UNC5D: variants seen among roughly 807,000 people sequenced by gnomAD.
The protein encoded by UNC5D is netrin receptor UNC5D.
In UNC5D, 39 loss-of-function variants were observed where a neutral mutation model predicts 105.4. That is an observed-to-expected ratio of 0.37 (90% CI 0.29 to 0.48). The LOEUF (loss-of-function observed/expected upper bound fraction) is 0.48. Ranked by LOEUF, UNC5D falls within the 20% of genes least tolerant of loss-of-function variation. The pLI is 0.98. For synonymous variants in UNC5D, 452 were observed against 450.4 expected, an observed-to-expected ratio of 1.00 and a Z score of -0.04; for missense variants, 991 against 1,202.4, an observed-to-expected ratio of 0.82 and a Z score of 2.60.
chr8:35,566,773 G>C (rs1817369151), intron 2 of UNC5D, among the ~76,000 whole-genome samples: 1 of 152,200 alleles, frequency 6.6e-6, no homozygotes, highest in Non-Finnish European at 1.5e-5. Context: ...GAGGCAATTA[G>C]ATGGAATTCA....
intron 1 of UNC5D, among the ~76,000 whole-genome samples, chr8:35,352,143 A>G (rs1343391330): frequency 6.6e-6 from 1 of 152,134 alleles, no homozygotes; most frequent in Non-Finnish European, 1.5e-5. Flanking sequence ...AAAAATATAT[A>G]AGTAAAGAGG....
chr8:35,363,937 C>T (rs917371362), intron 1 of UNC5D, among the ~76,000 whole-genome samples: 1 of 152,124 alleles, frequency 6.6e-6, no homozygotes, highest in Non-Finnish European at 1.5e-5. Context: ...AGTCCCAGCA[C>T]TTTGGGAGGC....
At position 35,766,890 on chromosome 8, in the gene UNC5D, T is replaced by C. The variant is rs1386241029; in HGVS notation, c.2314-12T>C. The C allele has an allele frequency of 1.2e-6, 2 of 1,607,014 alleles. No homozygotes were observed. The highest frequency in any genetic ancestry group is 1.7e-6 in the Non-Finnish European group (2 of 1,175,730). ...CTCTGCACACCATCCCTTCTCTCCG[T>C]CTCCCCTGCAGGAAGTCCCGTTCTC... On this transcript the variant is annotated splice_polypyrimidine_tract_variant and intron_variant, in intron 14 of 16. Transcript: ENST00000404895.
At chr8:35,790,142 C>T (rs1802970286) in intron 16 of UNC5D, among the ~76,000 whole-genome samples, 1 of 152,066 alleles carries the variant, frequency 6.6e-6, no homozygotes, top group South Asian at 2.1e-4. Flanking sequence ...CAAAACAAGA[C>T]TTGGGAGATA....
chr8:35,488,291 C>G (rs1261722645), intron 1 of UNC5D, among the ~76,000 whole-genome samples: 1 of 152,000 alleles, frequency 6.6e-6, no homozygotes, highest in African/African-American at 2.4e-5. Context: ...AGAGATGGGA[C>G]AAAATGAAGG....
At position 35,634,751 on chromosome 8, in the gene UNC5D, T is replaced by A. The variant is rs1285867567; in HGVS notation, c.570+39094T>A. Among the ~76,000 whole-genome samples the A allele has an allele frequency of 2.6e-5, 4 of 151,964 alleles. No homozygotes were observed. The South Asian group carries it at 8.3e-4, about 32-fold the overall frequency. ...AGTTGTTTTTCTCCCTCTGGATTTT[T>A]CTTTTCTTTTTTTTTTTTCTTTCCT... On this transcript the variant is annotated intron_variant, in intron 4 of 16. Coordinates refer to ENST00000404895, the MANE Select transcript of UNC5D (RefSeq NM_080872.4).
At chr8:35,667,188 TGCAGAAA>T (rs1824480188) in intron 4 of UNC5D, among the ~76,000 whole-genome samples, 1 of 152,150 alleles carries the variant, frequency 6.6e-6, no homozygotes, top group Non-Finnish European at 1.5e-5. Flanking sequence ...TAATATAGAT[TGCAGAAA>T]ATAGGACAGT....
Position 35,463,327 on chromosome 8 carries a change from G to C in UNC5D, c.104-85965G>C, listed in dbSNP as rs184468822. ...TTTATGCAAATTTGAAGTCTCTAGA[G>C]CTAATATGGAAATACGACAGTTTTA... On this transcript the variant is annotated intron_variant, in intron 1 of 16. Transcript: ENST00000404895. 1.2e-3 allele frequency among the ~76,000 whole-genome samples: 177 copies of C among 152,254 alleles called. 1 individual carries two copies. Among genetic ancestry groups the C allele is most frequent in the Non-Finnish European group, 2.9e-4 (20 of 68,030 alleles).
At chr8:35,709,699 A>T (rs1827818490) in intron 8 of UNC5D, among the ~76,000 whole-genome samples, 1 of 151,994 alleles carries the variant, frequency 6.6e-6, no homozygotes. Flanking sequence ...AAAATAAAAC[A>T]AAATAAAATA....
intron 1 of UNC5D, among the ~76,000 whole-genome samples, chr8:35,266,509 A>G (rs1804882262): frequency 6.6e-6 from 1 of 152,198 alleles, no homozygotes; most frequent in Non-Finnish European, 1.5e-5. Context: ...GTTAGATTAT[A>G]TTTCAGTTGT....
chr8:35,265,198 T>A (rs539725535), intron 1 of UNC5D, among the ~76,000 whole-genome samples: 2 of 130,618 alleles, frequency 1.5e-5, no homozygotes, highest in African/African-American at 4.9e-5. Flanking sequence ...ATATTAAGAC[T>A]GTGACCTTAT....
chr8:35,519,471 A>G (rs1221302851), intron 1 of UNC5D, among the ~76,000 whole-genome samples: 1 of 152,100 alleles, frequency 6.6e-6, no homozygotes, highest in East Asian at 1.9e-4. Context: ...CACTAGTTTG[A>G]CCAGATATGC....
At chr8:35,330,885 A>G (rs1269208390) in intron 1 of UNC5D, among the ~76,000 whole-genome samples, 1 of 152,204 alleles carries the variant, frequency 6.6e-6, no homozygotes, top group Non-Finnish European at 1.5e-5. Flanking sequence ...AAATGATTGT[A>G]TAAGTGAAGT....
chr8:35,350,001 T>C (rs1812090744), intron 1 of UNC5D, among the ~76,000 whole-genome samples: 1 of 152,004 alleles, frequency 6.6e-6, no homozygotes, highest in Non-Finnish European at 1.5e-5. Context: ...AATATCAGTG[T>C]AGTGAAAACA....
intron 4 of UNC5D, among the ~76,000 whole-genome samples, chr8:35,681,022 A>G (rs552037571): frequency 9.9e-5 from 15 of 152,274 alleles, no homozygotes; most frequent in African/African-American, 2.9e-4. Flanking sequence ...CAGCTGACCA[A>G]TTTCTTCCTT....
intron 1 of UNC5D, among the ~76,000 whole-genome samples, chr8:35,266,203 G>T (rs1477955924): frequency 6.6e-6 from 1 of 152,006 alleles, no homozygotes; most frequent in Non-Finnish European, 1.5e-5. Flanking sequence ...CTTATTCGAG[G>T]TTTCTTTAAA....
chr8:35,499,986 A>G (rs1426846461), intron 1 of UNC5D, among the ~76,000 whole-genome samples: 3 of 152,262 alleles, frequency 2.0e-5, no homozygotes, highest in East Asian at 3.8e-4. Flanking sequence ...AATTGGGAAT[A>G]GTAAACATCT....
At chr8:35,587,963 A>AT (rs1361012309) in intron 3 of UNC5D, among the ~76,000 whole-genome samples, 34 of 40,262 alleles carry the variant, frequency 8.4e-4, no homozygotes, top group South Asian at 8.2e-3. Context: ...TATAACTATA[A>AT]TAATATATAT....
Position 35,724,017 on chromosome 8 carries a change from A to G in UNC5D, c.1303+1622A>G, listed in dbSNP as rs765068966. On this transcript the variant is annotated intron_variant, in intron 9 of 16. Coordinates refer to ENST00000404895, the MANE Select transcript of UNC5D (RefSeq NM_080872.4). Reference sequence around the variant, plus strand: ...CTTGGCATATGGAAAGCGCTCACAAATGCAGCGAATAGAGTTCTAGACGCT... The same window carrying G: ...CTTGGCATATGGAAAGCGCTCACAAGTGCAGCGAATAGAGTTCTAGACGCT... 5 of 700,782 alleles carry G rather than the reference A, an allele frequency of 7.1e-6. No homozygotes were observed. In the African/African-American group the frequency reaches 7.3e-5, roughly 10 times the overall value. 43.4% of individuals were successfully genotyped at this position (700,782 alleles called of 1,614,324 possible).
Sources: gnomAD v4.1 joint callset for allele counts (sites outside exome capture counted in the v4.1 genomes callset) on GRCh38, gnomAD v4.1.1 for gene constraint, MANE v1.5 for transcripts, NCBI Gene and HGNC (gene_info 2026-07-23, HGNC 2026-07-21) for gene names.